Variants in CDH1 observed in about 807,000 individuals in gnomAD.
The protein encoded by CDH1 is cadherin 1.
CDH1 carries 35 observed loss-of-function variants against 84.5 expected under a neutral mutation model. The observed-to-expected ratio is 0.41, with a 90% CI of 0.32 to 0.55. The LOEUF (loss-of-function observed/expected upper bound fraction) is 0.55. CDH1 is among the 20% of genes least tolerant of loss of function. The pLI, the probability that CDH1 is intolerant of heterozygous loss-of-function variation, is 0.19. For missense variants in CDH1, 994 were observed against 1,126.6 expected (o/e 0.88, Z 1.68); for synonymous variants, 417 against 439.0 (o/e 0.95, Z 0.63).
Position 68,804,803 on chromosome 16 carries a change from A to G in CDH1, c.387+2910A>G, listed in dbSNP as rs570314335. Among the ~76,000 whole-genome samples, 107 of 150,416 alleles carry G rather than the reference A, an allele frequency of 7.1e-4. 2 individuals are homozygous for G. In the South Asian group the frequency reaches 0.021, roughly 30 times the overall value. On this transcript the variant is annotated intron_variant, in intron 3 of 15. Transcript: ENST00000261769. ...TTAATTTTTAACTTTTTTAAAAAAC[A>G]ACATATCCAGGTAACAAAATCTTTT... is the stretch of plus-strand genomic sequence containing the variant.
intron 2 of CDH1, among the ~76,000 whole-genome samples, chr16:68,775,397 T>C (rs1959702322): frequency 6.6e-6 from 1 of 152,176 alleles, no homozygotes; most frequent in Non-Finnish European, 1.5e-5. Flanking sequence ...ATGTCTTGTG[T>C]TTATTACAAA....
chr16:68,760,831 G>T (rs2152119181), intron 2 of CDH1, among the ~76,000 whole-genome samples: 1 of 152,256 alleles, frequency 6.6e-6, no homozygotes, highest in East Asian at 1.9e-4. Context: ...TCCCCAGAGT[G>T]GGGAGGCCAG....
chr16:68,781,273 C>G (rs557230731), intron 2 of CDH1, among the ~76,000 whole-genome samples: 1 of 152,244 alleles, frequency 6.6e-6, no homozygotes, highest in South Asian at 2.1e-4. Flanking sequence ...TCAGTTGCCT[C>G]CGCTTCATTC....
chr16:68,737,952 C>G (rs555501964), intron 1 of CDH1, among the ~76,000 whole-genome samples: 1 of 152,268 alleles, frequency 6.6e-6, no homozygotes, highest in South Asian at 2.1e-4. Context: ...GAGGTGGGAG[C>G]GCCCCTCGCT....
At chr16:68,796,003 A>G (rs1020826670) in intron 2 of CDH1, among the ~76,000 whole-genome samples, 1 of 151,802 alleles carries the variant, frequency 6.6e-6, no homozygotes, top group Admixed American at 6.6e-5. Context: ...CTCTACTAAA[A>G]ATACAAAAGA....
In CDH1 at chr16:68,835,451, TG is replaced by T. The variant is rs1961610884; in HGVS notation, c.*1957del. The T allele has an allele frequency of 9.4e-6, 2 of 213,582 alleles. No homozygotes were observed. The highest frequency in any genetic ancestry group is 1.9e-5 in the Non-Finnish European group (2 of 105,438). 13.2% of individuals were successfully genotyped at this position (213,582 alleles called of 1,614,324 possible). A position where few individuals can be genotyped will look rare whatever the true frequency, so the allele number is the denominator to read the frequency against. On this transcript the variant is annotated 3_prime_UTR_variant, in exon 16 of 16. Coordinates refer to ENST00000261769, the MANE Select transcript of CDH1 (RefSeq NM_004360.5). ...GGTGCTGATAATTGTGTATTTTCTTTGGGGGTGGAAAAGGAAAACAATTCAA... is the reference window on the plus strand; with the variant it reads ...GGTGCTGATAATTGTGTATTTTCTTTGGGGTGGAAAAGGAAAACAATTCAA...
intron 2 of CDH1, among the ~76,000 whole-genome samples, chr16:68,786,867 A>T (rs1226374457): frequency 6.6e-6 from 1 of 152,168 alleles, no homozygotes; most frequent in Non-Finnish European, 1.5e-5. Flanking sequence ...GTTGGCTCCC[A>T]GCTGTTCTCT....
intron 2 of CDH1, among the ~76,000 whole-genome samples, chr16:68,797,946 G>A (rs781399732): frequency 1.3e-5 from 2 of 152,002 alleles, no homozygotes; most frequent in African/African-American, 2.4e-5. Flanking sequence ...GGGCGTGGTG[G>A]TGTGCACCTG....
In CDH1 at chr16:68,822,771, C is replaced by A. The variant is rs1019570863; in HGVS notation, c.1936+546C>A. 2.8e-5 allele frequency: 7 copies of A among 251,952 alleles called. No homozygotes were observed. In the Admixed American group the frequency reaches 3.6e-4, roughly 13 times the overall value. 15.6% of individuals were successfully genotyped at this position (251,952 alleles called of 1,614,324 possible). ...TTGGCCAAGGAGAAGCACAAGGGCG[C>A]TGAGTGTCCCTTGAAAATGCAAAAC... On this transcript the variant is annotated intron_variant, in intron 12 of 15. Transcript: ENST00000261769.
chr16:68,818,100 C>T (rs764789303), intron 10 of CDH1, among the ~76,000 whole-genome samples: 1 of 151,372 alleles, frequency 6.6e-6, no homozygotes, highest in Admixed American at 6.6e-5. Context: ...ATTAGCCGGG[C>T]GTGGTGGCGG....
At chr16:68,814,946 C>A (rs995734095) in intron 9 of CDH1, among the ~76,000 whole-genome samples, 1 of 150,442 alleles carries the variant, frequency 6.6e-6, no homozygotes, top group African/African-American at 2.4e-5. Flanking sequence ...AAAAAGATGG[C>A]CGGGTGCAGT....
intron 10 of CDH1, among the ~76,000 whole-genome samples, chr16:68,817,577 A>T (rs1169248877): frequency 3.3e-5 from 5 of 152,168 alleles, no homozygotes; most frequent in Admixed American, 6.5e-5. Context: ...GATCAAAGTT[A>T]TCAATAGAAG....
At chr16:68,780,758 C>T (rs533576259) in intron 2 of CDH1, among the ~76,000 whole-genome samples, 69 of 152,210 alleles carry the variant, frequency 4.5e-4, no homozygotes, top group South Asian at 1.0e-3. Context: ...CTCGTGATTT[C>T]ATGCCCACAG....
In CDH1 at chr16:68,810,735, G is replaced by A. The variant is rs905445986; in HGVS notation, c.832+394G>A. Among the ~76,000 whole-genome samples the A allele has an allele frequency of 1.9e-4, 29 of 151,814 alleles. 1 individual carries two copies. The highest frequency in any genetic ancestry group is 8.5e-4 in the Admixed American group (13 of 15,232). On this transcript the variant is annotated intron_variant, in intron 6 of 15. Transcript: ENST00000261769. ...AAAAAAATTAGCCGGTCGTGGTGGC[G>A]GGGGCCTGTAATCCCAGCTACTTGG...
chr16:68,785,198 C>CT (rs1279222069), intron 2 of CDH1, among the ~76,000 whole-genome samples: 4 of 151,944 alleles, frequency 2.6e-5, no homozygotes, highest in African/African-American at 7.3e-5. Context: ...GAGTCTTGTT[C>CT]TTTTTTTCTT....
intron 2 of CDH1, among the ~76,000 whole-genome samples, chr16:68,793,165 C>A: frequency 6.6e-6 from 1 of 152,188 alleles, no homozygotes; most frequent in Non-Finnish European, 1.5e-5. Flanking sequence ...ACCTGCTTAT[C>A]TTCCCTGGAA....
intron 13 of CDH1, among the ~76,000 whole-genome samples, chr16:68,827,024 A>C (rs570364889): frequency 6.6e-6 from 1 of 152,166 alleles, no homozygotes; most frequent in South Asian, 2.1e-4. Context: ...TAATCTCAGC[A>C]CTTTGGGAGG....
intron 2 of CDH1, among the ~76,000 whole-genome samples, chr16:68,773,620 C>G (rs1030230137): frequency 6.6e-6 from 1 of 152,216 alleles, no homozygotes; most frequent in African/African-American, 2.4e-5. Context: ...TTTCCTAATA[C>G]ATCATTCACA....
intron 7 of CDH1, 38 bp from the exon 8 acceptor site, chr16:68,812,097 T>C (rs751804736): frequency 1.2e-6 from 2 of 1,613,788 alleles, no homozygotes; most frequent in Admixed American, 3.3e-5. Flanking sequence ...GTGGCTAGTG[T>C]TCCTGGTCCT....
Sources: gnomAD v4.1 joint callset for allele counts (sites outside exome capture counted in the v4.1 genomes callset) on GRCh38, gnomAD v4.1.1 for gene constraint, MANE v1.5 for transcripts, NCBI Gene and HGNC (gene_info 2026-07-23, HGNC 2026-07-21) for gene names.